UBTD2: variants seen among roughly 807,000 people sequenced by gnomAD.
UBTD2 encodes ubiquitin domain containing 2.
Under a neutral mutation model 19.8 loss-of-function variants are expected in UBTD2, and 9 were observed. That is an observed-to-expected ratio of 0.46 (90% confidence interval 0.27 to 0.79). The LOEUF is 0.79. Ranked by LOEUF, UBTD2 falls within the 30% of genes least tolerant of loss-of-function variation. UBTD2 has a pLI of 0.14. For synonymous variants in UBTD2, 98 were observed against 103.9 expected, an observed-to-expected ratio of 0.94 and a Z score of 0.35; for missense variants, 250 against 300.4, an observed-to-expected ratio of 0.83 and a Z score of 1.24.
At chr5:172,282,109 T>A (rs940420711) in intron 1 of UBTD2, among the ~76,000 whole-genome samples, 2 of 152,098 alleles carry the variant, frequency 1.3e-5, no homozygotes, top group South Asian at 2.1e-4. Context: ...GTGAAAAAAA[T>A]TTAATTAAAA....
At chr5:172,254,860 AGG>A in intron 1 of UBTD2, 1 of 523,048 alleles carries the variant, frequency 1.9e-6, no homozygotes, top group African/African-American at 2.0e-5. Context: ...ATTCAATTAC[AGG>A]TACTTGCATG....
In UBTD2 at chr5:172,219,012, CTA is replaced by C. The variant is rs1393180105; in HGVS notation, c.308-6787_308-6786del. 5.9e-5 allele frequency among the ~76,000 whole-genome samples: 9 copies of C among 152,054 alleles called. No homozygotes were observed. The East Asian group carries it at 1.7e-3, about 29-fold the overall frequency. ...TAATAAAAGAATATTATGAACAACTCTATGCCTACACATTTGATAAACCTAGA... is the reference window on the plus strand; with the variant it reads ...TAATAAAAGAATATTATGAACAACTCTGCCTACACATTTGATAAACCTAGA... On this transcript the variant is annotated intron_variant, in intron 2 of 2. Coordinates refer to ENST00000393792, the MANE Select transcript of UBTD2 (RefSeq NM_152277.3).
At position 172,210,977 on chromosome 5, in the gene UBTD2, A is replaced by C. The variant is rs1041569735; in HGVS notation, c.*853T>G. The C allele has an allele frequency of 6.6e-6, 1 of 152,164 alleles. No individual in the cohort carries two copies. The highest frequency in any genetic ancestry group is 1.5e-5 in the Non-Finnish European group (1 of 68,018). The allele number at this position is 152,164 out of a possible 1,614,324, so 9.4% of individuals were successfully genotyped here. A position where few individuals can be genotyped will look rare whatever the true frequency, so the allele number is the denominator to read the frequency against. On this transcript the variant is annotated 3_prime_UTR_variant, in exon 3 of 3. Coordinates refer to ENST00000393792, the MANE Select transcript of UBTD2 (RefSeq NM_152277.3). ...CCAAGCAGAATAGATAGATCAATGA[A>C]GGTACTATATAGTAGTGACCTTCTA...
intron 1 of UBTD2, among the ~76,000 whole-genome samples, chr5:172,278,170 G>A (rs1346100122): frequency 6.6e-6 from 1 of 152,112 alleles, no homozygotes; most frequent in Non-Finnish European, 1.5e-5. Flanking sequence ...CTATCCAGCT[G>A]AAAGAACTGG....
At position 172,210,240 on chromosome 5, in the gene UBTD2, G is replaced by C. The variant is rs1266104758; in HGVS notation, c.*1590C>G. The C allele has an allele frequency of 1.3e-5, 2 of 152,142 alleles. No individual in the cohort carries two copies. 9.4% of individuals were successfully genotyped at this position (152,142 alleles called of 1,614,324 possible). A position where few individuals can be genotyped will look rare whatever the true frequency, so the allele number is the denominator to read the frequency against. On this transcript the variant is annotated 3_prime_UTR_variant, in exon 3 of 3. Transcript: ENST00000393792. Reference sequence around the variant, plus strand: ...TTACAATTACAGATATATTTAATCAGGCAATAGGAAATTCAATACCATTTA... The same window carrying C: ...TTACAATTACAGATATATTTAATCACGCAATAGGAAATTCAATACCATTTA...
intron 1 of UBTD2, among the ~76,000 whole-genome samples, chr5:172,266,937 G>A (rs1273976975): frequency 6.6e-6 from 1 of 151,782 alleles, no homozygotes; most frequent in African/African-American, 2.4e-5. Flanking sequence ...CTACCCCAGA[G>A]GCTGCCTGAG....
intron 2 of UBTD2, among the ~76,000 whole-genome samples, chr5:172,220,460 A>G (rs1054233804): frequency 6.6e-6 from 1 of 152,090 alleles, no homozygotes; most frequent in African/African-American, 2.4e-5. Flanking sequence ...ACATGGAGAA[A>G]CTCCATCTCT....
intron 1 of UBTD2, among the ~76,000 whole-genome samples, chr5:172,267,870 G>A (rs1755407228): frequency 1.3e-5 from 2 of 152,300 alleles, no homozygotes; most frequent in Admixed American, 1.3e-4. Context: ...GAAGTCAACT[G>A]ACTTATTTAA....
Position 172,283,573 on chromosome 5 carries a change from G to T in UBTD2, c.70+23C>A. 1 of 1,296,036 alleles carries T rather than the reference G, an allele frequency of 7.7e-7. No individual in the cohort carries two copies. The allele number at this position is 1,296,036 out of a possible 1,614,324, so 80.3% of individuals were successfully genotyped here. On this transcript the variant is annotated intron_variant, in intron 1 of 2. Coordinates refer to ENST00000393792, the MANE Select transcript of UBTD2 (RefSeq NM_152277.3). This position sits in a 1 kb window ranked among gnomAD's most constrained non-coding sequence, Gnocchi z 4.3. Reference sequence around the variant, plus strand: ...TGGCCGGGAACAATGGGGGGCCGAGGCTGCCCCCTGGCGCTCACCTACCTC... The same window carrying T: ...TGGCCGGGAACAATGGGGGGCCGAGTCTGCCCCCTGGCGCTCACCTACCTC...
chr5:172,214,861 A>G (rs1408077497), intron 2 of UBTD2, among the ~76,000 whole-genome samples: 2 of 152,186 alleles, frequency 1.3e-5, no homozygotes, highest in Non-Finnish European at 1.5e-5. Context: ...CTAGTCTGGC[A>G]TGCAAAAAAC....
At chr5:172,272,992 G>A (rs142087078) in intron 1 of UBTD2, among the ~76,000 whole-genome samples, 4 of 151,104 alleles carry the variant, frequency 2.6e-5, no homozygotes, top group Middle Eastern at 3.4e-3. Flanking sequence ...CAGGAAAATC[G>A]CTTGAACCCA....
At chr5:172,269,843 C>T (rs1322396775) in intron 1 of UBTD2, among the ~76,000 whole-genome samples, 1 of 150,904 alleles carries the variant, frequency 6.6e-6, no homozygotes, top group African/African-American at 2.4e-5. Flanking sequence ...TTTGGGAGGC[C>T]GAGGCAGGCA....
intron 2 of UBTD2, among the ~76,000 whole-genome samples, chr5:172,225,232 C>G (rs1771742260): frequency 6.6e-6 from 1 of 152,194 alleles, no homozygotes; most frequent in Admixed American, 6.5e-5. Flanking sequence ...GCTGCCAAGT[C>G]TCCACCTTCT....
chr5:172,217,598 G>A (rs1462977930), intron 2 of UBTD2, among the ~76,000 whole-genome samples: 2 of 151,954 alleles, frequency 1.3e-5, no homozygotes, highest in Non-Finnish European at 2.9e-5. Context: ...TATCCCTCCT[G>A]CCTTAGTCTC....
intron 1 of UBTD2, among the ~76,000 whole-genome samples, chr5:172,278,229 T>A (rs1581236746): frequency 2.0e-5 from 3 of 152,146 alleles, no homozygotes; most frequent in East Asian, 1.9e-4. Flanking sequence ...CAGAGCTGCA[T>A]CATTCACACC....
chr5:172,234,072 G>A (rs1771959233), intron 2 of UBTD2, 50 bp downstream of exon 2: 2 of 1,588,800 alleles, frequency 1.3e-6, no homozygotes, highest in East Asian at 4.5e-5. Context: ...CTTGCTATCA[G>A]AAACAAAGTT....
chr5:172,273,709 A>C (rs1013346505), intron 1 of UBTD2, among the ~76,000 whole-genome samples: 3 of 151,916 alleles, frequency 2.0e-5, no homozygotes, highest in Admixed American at 2.0e-4. Flanking sequence ...ATCAGGAAGC[A>C]GCTACAATGG....
intron 1 of UBTD2, among the ~76,000 whole-genome samples, chr5:172,259,993 C>A (rs1467204365): frequency 6.6e-6 from 1 of 152,088 alleles, no homozygotes; most frequent in African/African-American, 2.4e-5. Context: ...GCAGAGGTTG[C>A]AGTGAGCCAA....
At chr5:172,228,629 A>C (rs374195347) in intron 2 of UBTD2, among the ~76,000 whole-genome samples, 11 of 152,140 alleles carry the variant, frequency 7.2e-5, no homozygotes, top group East Asian at 3.9e-4. Flanking sequence ...GCTGAGGCAC[A>C]AGAATTGCTT....
Sources: allele counts gnomAD v4.1 joint callset (sites outside exome capture counted in the v4.1 genomes callset), GRCh38; gene constraint gnomAD v4.1.1; non-coding constraint Gnocchi (gnomAD v3.1); transcripts MANE v1.5; gene names NCBI Gene and HGNC (gene_info 2026-07-23, HGNC 2026-07-21).